SEMA3A: variants seen among roughly 807,000 people sequenced by gnomAD.
The protein encoded by SEMA3A is semaphorin 3A.
A neutral mutation model predicts 97.9 loss-of-function variants in SEMA3A; 29 were observed. The observed-to-expected ratio is 0.30, with a 90% CI of 0.22 to 0.40. The LOEUF (loss-of-function observed/expected upper bound fraction) is 0.40. Ranked by LOEUF, SEMA3A falls within the 10% of genes least tolerant of loss-of-function variation. The probability of loss-of-function intolerance (pLI) is 1.00; values close to 1 mark genes in which losing one functional copy is unlikely to be tolerated. For synonymous variants in SEMA3A, 321 were observed against 323.7 expected (o/e 0.99, Z 0.09); for missense variants, 763 against 951.3 (o/e 0.80, Z 2.60).
chr7:84,130,556 CT>C (rs574042528), intron 2 of SEMA3A, among the ~76,000 whole-genome samples: 74 of 152,192 alleles, frequency 4.9e-4, no homozygotes, highest in Non-Finnish European at 9.6e-4. Flanking sequence ...GTTCCACAGG[CT>C]TTTACAAAGT....
At chr7:84,428,554 AT>A (rs1804886421) in intron 1 of SEMA3A, among the ~76,000 whole-genome samples, 3 of 152,010 alleles carry the variant, frequency 2.0e-5, no homozygotes, top group Non-Finnish European at 2.9e-5. Context: ...ATTTCTTTGA[AT>A]ATTGTCCTAT....
chr7:84,462,816 TAGAC>T (rs898402520), intron 1 of SEMA3A, among the ~76,000 whole-genome samples: 61 of 150,836 alleles, frequency 4.0e-4, no homozygotes, highest in African/African-American at 1.1e-3. Flanking sequence ...TATAGATAGA[TAGAC>T]AGACAGATAG....
In SEMA3A at chr7:84,186,302, AG is replaced by A. The variant is rs201558918; in HGVS notation, c.112+8172del. 9.4e-3 allele frequency among the ~76,000 whole-genome samples: 1,425 copies of A among 152,296 alleles called. 16 individuals are homozygous for A. Among genetic ancestry groups the A allele is most frequent in the African/African-American group, 0.033 (1,376 of 41,558 alleles). ...TATTTATCCAAGAATCTATTCATAAAGAAATCTGACAGATGAGTTATGTGGC... is the reference window on the plus strand; with the variant it reads ...TATTTATCCAAGAATCTATTCATAAAAAATCTGACAGATGAGTTATGTGGC... On this transcript the variant is annotated intron_variant, in intron 1 of 16. Transcript: ENST00000265362.
intron 4 of SEMA3A, among the ~76,000 whole-genome samples, chr7:84,110,254 C>T (rs562627583): frequency 6.6e-6 from 1 of 152,286 alleles, no homozygotes; most frequent in South Asian, 2.1e-4. Context: ...AAAACAAATG[C>T]TTTCTTCCTT....
chr7:84,210,043 G>A (rs908901621), intron 3 of SEMA3A, among the ~76,000 whole-genome samples: 17 of 151,992 alleles, frequency 1.1e-4, no homozygotes, highest in African/African-American at 3.4e-4. Context: ...CAAGTACATC[G>A]AGATATTCAC....
chr7:84,091,167 G>A (rs199570076), intron 4 of SEMA3A, among the ~76,000 whole-genome samples: 1,089 of 42,768 alleles, frequency 0.025, 26 homozygotes, highest in Middle Eastern at 0.053. Context: ...AAGGAAGGAA[G>A]GAAAGAAAGA....
chr7:84,187,897 AC>A, intron 1 of SEMA3A, among the ~76,000 whole-genome samples: 1 of 152,156 alleles, frequency 6.6e-6, no homozygotes, highest in South Asian at 2.1e-4. Context: ...AGAATCTGGC[AC>A]AAGATGATTC....
At chr7:84,081,257 C>A (rs1301449494) in intron 4 of SEMA3A, among the ~76,000 whole-genome samples, 1 of 151,726 alleles carries the variant, frequency 6.6e-6, no homozygotes, top group Non-Finnish European at 1.5e-5. Flanking sequence ...TGTTTTCTAG[C>A]TGTCTAGGCA....
intron 1 of SEMA3A, among the ~76,000 whole-genome samples, chr7:84,463,469 C>A (rs553708876): frequency 9.2e-5 from 14 of 151,786 alleles, no homozygotes; most frequent in Non-Finnish European, 1.9e-4. Context: ...AGGATAGTCC[C>A]GATCTCCTAA....
At chr7:84,067,558 A>G (rs1793566811) in intron 4 of SEMA3A, among the ~76,000 whole-genome samples, 1 of 152,216 alleles carries the variant, frequency 6.6e-6, no homozygotes, top group East Asian at 1.9e-4. Flanking sequence ...TCTACATTGA[A>G]CTCAAACAAA....
At chr7:84,114,321 G>A (rs910912637) in intron 3 of SEMA3A, among the ~76,000 whole-genome samples, 5 of 152,208 alleles carry the variant, frequency 3.3e-5, no homozygotes, top group South Asian at 2.1e-4. Flanking sequence ...ACTTGTGAAC[G>A]TGAACAATCT....
chr7:84,036,982 G>C (rs1016179826), intron 6 of SEMA3A, among the ~76,000 whole-genome samples: 7 of 151,972 alleles, frequency 4.6e-5, no homozygotes, highest in Non-Finnish European at 1.0e-4. Context: ...ATTTCAGTTT[G>C]TTGATGTCAT....
chr7:84,319,705 C>T (rs753779179), intron 2 of SEMA3A, among the ~76,000 whole-genome samples: 1 of 152,050 alleles, frequency 6.6e-6, no homozygotes. Flanking sequence ...TTTCATATCA[C>T]AATATACTTC....
intron 4 of SEMA3A, among the ~76,000 whole-genome samples, chr7:84,085,972 C>T (rs1470409636): frequency 6.6e-6 from 1 of 152,132 alleles, no homozygotes; most frequent in South Asian, 2.1e-4. Flanking sequence ...TTGTTGGACA[C>T]ATTGTAAGAG....
At chr7:84,272,337 T>A (rs189002175) in intron 3 of SEMA3A, among the ~76,000 whole-genome samples, 225 of 152,240 alleles carry the variant, frequency 1.5e-3, no homozygotes, top group Middle Eastern at 6.8e-3. Flanking sequence ...AACCTTCAGA[T>A]GCTTGCCTCT....
intron 4 of SEMA3A, among the ~76,000 whole-genome samples, chr7:84,095,274 G>A (rs1430692837): frequency 1.8e-5 from 1 of 55,076 alleles, no homozygotes; most frequent in Non-Finnish European, 6.0e-5. Context: ...CCATTATTAT[G>A]TAGCATATAT....
At chr7:84,361,514 C>T (rs565171934) in intron 2 of SEMA3A, among the ~76,000 whole-genome samples, 7 of 151,988 alleles carry the variant, frequency 4.6e-5, no homozygotes, top group South Asian at 2.1e-4. Flanking sequence ...CTATCCTTAT[C>T]GAACATGGGA....
Position 84,194,614 on chromosome 7 carries a change from G to T in SEMA3A, c.-28C>A. ...TGCAGACGCTGTAGGTCCCTTTGCT[G>T]CTTTAGTCTTCCTTCCTGTATTGTG... On this transcript the variant is annotated 5_prime_UTR_variant, in exon 1 of 17. Transcript: ENST00000265362. 7.3e-7 allele frequency: 1 copy of T among 1,375,020 alleles called. No individual in the cohort carries two copies. The highest frequency in any genetic ancestry group is 1.0e-6 in the Non-Finnish European group (1 of 963,398). The allele number at this position is 1,375,020 out of a possible 1,614,324, so 85.2% of individuals were successfully genotyped here.
intron 1 of SEMA3A, among the ~76,000 whole-genome samples, chr7:84,426,109 A>G (rs1190199859): frequency 6.6e-6 from 1 of 151,960 alleles, no homozygotes; most frequent in East Asian, 1.9e-4. Context: ...GGAATAAAAA[A>G]CTACATATTG....
Sources: gnomAD v4.1 joint callset for allele counts (sites outside exome capture counted in the v4.1 genomes callset) on GRCh38, gnomAD v4.1.1 for gene constraint, MANE v1.5 for transcripts, NCBI Gene and HGNC (gene_info 2026-07-23, HGNC 2026-07-21) for gene names.